The following NYAP2 variants were observed in gnomAD, a reference collection of about 807,000 sequenced individuals.
NYAP2 encodes neuronal tyrosine-phosphorylated phosphoinositide-3-kinase adaptor 2.
NYAP2 carries 23 observed loss-of-function variants against 50.4 expected under a neutral mutation model. That is an observed-to-expected ratio of 0.46 (90% CI 0.33 to 0.65). The LOEUF (loss-of-function observed/expected upper bound fraction) is 0.65, where lower values mean the gene tolerates loss of function less well. Among genes scored for constraint, NYAP2 ranks in the 30% least tolerant of loss-of-function variants. The pLI is 0.02. For missense variants in NYAP2, 885 were observed against 861.0 expected, an observed-to-expected ratio of 1.03 and a Z score of -0.35; for synonymous variants, 394 against 365.2, an observed-to-expected ratio of 1.08 and a Z score of -0.90.
chr2:225,441,893 A>T (rs112616689), intron 3 of NYAP2, among the ~76,000 whole-genome samples: 25 of 152,334 alleles, frequency 1.6e-4, no homozygotes, highest in African/African-American at 5.3e-4. Context: ...TGCCATGAAT[A>T]CCTATGTCAT....
chr2:225,448,764 A>G (rs1277965497), intron 3 of NYAP2, among the ~76,000 whole-genome samples: 1 of 152,214 alleles, frequency 6.6e-6, no homozygotes, highest in Non-Finnish European at 1.5e-5. Flanking sequence ...TGTCTTTGTC[A>G]TGCTCCAGAA....
intron 4 of NYAP2, among the ~76,000 whole-genome samples, chr2:225,545,791 T>C (rs1691570012): frequency 6.6e-6 from 1 of 152,180 alleles, no homozygotes; most frequent in South Asian, 2.1e-4. Flanking sequence ...TATGTATTTA[T>C]TGTAGTCTTT....
chr2:225,608,705 T>C (rs1692831038), intron 5 of NYAP2, among the ~76,000 whole-genome samples: 1 of 152,114 alleles, frequency 6.6e-6, no homozygotes, highest in South Asian at 2.1e-4. Context: ...TACGTGTCTC[T>C]ACCACACAGT....
intron 5 of NYAP2, among the ~76,000 whole-genome samples, chr2:225,615,569 G>A (rs760721698): frequency 1.1e-4 from 17 of 152,196 alleles, no homozygotes; most frequent in Non-Finnish European, 2.1e-4. Context: ...ATGGAGAACT[G>A]TTGTGTATAA....
At chr2:225,489,893 G>T (rs866570714) in intron 3 of NYAP2, among the ~76,000 whole-genome samples, 6 of 152,120 alleles carry the variant, frequency 3.9e-5, no homozygotes, top group Admixed American at 2.0e-4. Context: ...AGCTCCCCGG[G>T]GTGGATCCAA....
chr2:225,626,615 G>A (rs1213762246), intron 5 of NYAP2, among the ~76,000 whole-genome samples: 1 of 152,170 alleles, frequency 6.6e-6, no homozygotes, highest in Non-Finnish European at 1.5e-5. Flanking sequence ...AAGAGAGTGA[G>A]TGTGAAGTGT....
the NYAP2 span, among the ~76,000 whole-genome samples, chr2:225,679,378 T>C: frequency 6.6e-6 from 1 of 152,036 alleles, no homozygotes; most frequent in Non-Finnish European, 1.5e-5. Context: ...ATGCACATGA[T>C]AGTTATATTT....
chr2:225,545,938 C>T (rs1691573126), intron 4 of NYAP2, among the ~76,000 whole-genome samples: 1 of 152,182 alleles, frequency 6.6e-6, no homozygotes, highest in African/African-American at 2.4e-5. Flanking sequence ...CTTACAGACT[C>T]ATAGATGTAC....
At chr2:225,536,225 C>A (rs1469517923) in intron 4 of NYAP2, among the ~76,000 whole-genome samples, 8 of 152,160 alleles carry the variant, frequency 5.3e-5, no homozygotes, top group Admixed American at 5.2e-4. Flanking sequence ...TGCTGTCAGT[C>A]GGCCAAGCCT....
At chr2:225,533,514 C>A (rs927106760) in intron 4 of NYAP2, among the ~76,000 whole-genome samples, 1 of 152,020 alleles carries the variant, frequency 6.6e-6, no homozygotes, top group Admixed American at 6.6e-5. Flanking sequence ...TGGAAAGACC[C>A]CATCTCTACT....
At chr2:225,634,403 C>T (rs1236379712) in intron 6 of NYAP2, among the ~76,000 whole-genome samples, 1 of 152,154 alleles carries the variant, frequency 6.6e-6, no homozygotes, top group African/African-American at 2.4e-5. Flanking sequence ...ATTATATATT[C>T]TGCTCTGCAG....
At chr2:225,625,610 G>A (rs1017687622) in intron 5 of NYAP2, among the ~76,000 whole-genome samples, 1 of 152,106 alleles carries the variant, frequency 6.6e-6, no homozygotes, top group Non-Finnish European at 1.5e-5. Flanking sequence ...GGTAATAGCT[G>A]TAGAAAACAG....
At chr2:225,579,433 AGTT>A (rs1179923713) in intron 4 of NYAP2, among the ~76,000 whole-genome samples, 2 of 152,204 alleles carry the variant, frequency 1.3e-5, no homozygotes, top group African/African-American at 4.8e-5. Flanking sequence ...CTCAATTAGC[AGTT>A]GTTCTACTTA....
At chr2:225,496,789 T>C (rs1292853236) in intron 3 of NYAP2, among the ~76,000 whole-genome samples, 1 of 152,180 alleles carries the variant, frequency 6.6e-6, no homozygotes, top group Non-Finnish European at 1.5e-5. Flanking sequence ...AGTTAAACTG[T>C]AAACCCTGAG....
chr2:225,679,503 T>TG, the NYAP2 span, among the ~76,000 whole-genome samples: 13 of 147,460 alleles, frequency 8.8e-5, no homozygotes, highest in Middle Eastern at 3.5e-3. Context: ...GTTTTTTTTT[T>TG]TTTTTTTTTT....
intron 3 of NYAP2, among the ~76,000 whole-genome samples, chr2:225,454,106 T>C (rs926354659): frequency 3.3e-5 from 5 of 152,102 alleles, no homozygotes; most frequent in African/African-American, 1.2e-4. Context: ...GGAGAATCAC[T>C]TGAGCCCAGG....
intron 4 of NYAP2, among the ~76,000 whole-genome samples, chr2:225,571,370 G>A (rs546936316): frequency 5.9e-4 from 90 of 152,246 alleles, no homozygotes; most frequent in Non-Finnish European, 1.1e-3. Context: ...CCATAGCAGA[G>A]GTTCTCCATG....
chr2:225,474,368 G>T (rs961098809), intron 3 of NYAP2, among the ~76,000 whole-genome samples: 23 of 152,134 alleles, frequency 1.5e-4, no homozygotes, highest in African/African-American at 5.6e-4. Context: ...TAGCTTGATG[G>T]GAATGGCATT....
chr2:225,404,935 G>A (rs535131090), intron 2 of NYAP2, among the ~76,000 whole-genome samples: 18 of 152,004 alleles, frequency 1.2e-4, no homozygotes, highest in African/African-American at 3.9e-4. Context: ...TTCCCAGGAG[G>A]GTCCCTGACA....
Sources: gnomAD v4.1 joint callset for allele counts (sites outside exome capture counted in the v4.1 genomes callset) on GRCh38, gnomAD v4.1.1 for gene constraint, MANE v1.5 for transcripts, NCBI Gene and HGNC (gene_info 2026-07-23, HGNC 2026-07-21) for gene names.